NCAM2: variants seen among roughly 807,000 people sequenced by gnomAD.
NCAM2 encodes the protein N-CAM-2.
Under a neutral mutation model 98.1 loss-of-function variants are expected in NCAM2, and 30 were observed. The observed-to-expected ratio is 0.31, with a 90% CI of 0.23 to 0.41. The LOEUF (loss-of-function observed/expected upper bound fraction) is 0.41, where lower values mean the gene tolerates loss of function less well. NCAM2 is among the 10% of genes least tolerant of loss of function. The pLI, the probability that NCAM2 is intolerant of heterozygous loss-of-function variation, is 1.00. For synonymous variants in NCAM2, 368 were observed against 342.4 expected, an observed-to-expected ratio of 1.07 and a Z score of -0.83; for missense variants, 867 against 1,005.8, an observed-to-expected ratio of 0.86 and a Z score of 1.87.
chr21:21,306,503 C>T (rs1441926141), intron 5 of NCAM2, among the ~76,000 whole-genome samples: 11 of 152,008 alleles, frequency 7.2e-5, no homozygotes. Context: ...GCATTTTTTG[C>T]ATTAAGGATT....
chr21:21,530,184 T>C (rs1382095323), intron 16 of NCAM2, among the ~76,000 whole-genome samples: 2 of 111,542 alleles, frequency 1.8e-5, no homozygotes, highest in African/African-American at 3.9e-5. Context: ...TTATATATGA[T>C]TTAATTTAAT....
At chr21:21,140,656 C>T (rs1046487700) in intron 1 of NCAM2, among the ~76,000 whole-genome samples, 2 of 152,092 alleles carry the variant, frequency 1.3e-5, no homozygotes, top group African/African-American at 4.8e-5. Flanking sequence ...TTATTTTATT[C>T]AGAAGTGCTC....
At chr21:21,308,462 T>A (rs925745815) in intron 5 of NCAM2, among the ~76,000 whole-genome samples, 2 of 152,104 alleles carry the variant, frequency 1.3e-5, no homozygotes, top group Non-Finnish European at 2.9e-5. Context: ...TTTGCCTGAG[T>A]TTTTTTAGAT....
At chr21:21,103,494 T>A (rs2066285350) in intron 1 of NCAM2, among the ~76,000 whole-genome samples, 1 of 152,018 alleles carries the variant, frequency 6.6e-6, no homozygotes, top group Non-Finnish European at 1.5e-5. Flanking sequence ...AAATATGTAT[T>A]CTAAAATATA....
At chr21:21,511,732 T>C (rs1051653418) in intron 16 of NCAM2, among the ~76,000 whole-genome samples, 1 of 152,010 alleles carries the variant, frequency 6.6e-6, no homozygotes. Flanking sequence ...ATAATGGTTT[T>C]CATTTCTTCA....
intron 9 of NCAM2, among the ~76,000 whole-genome samples, chr21:21,381,488 A>G (rs2076153170): frequency 1.3e-5 from 2 of 151,796 alleles, no homozygotes; most frequent in African/African-American, 2.4e-5. Flanking sequence ...TATTGGCAAT[A>G]TTTTTGGTTT....
chr21:21,129,468 A>G (rs888088698), intron 1 of NCAM2, among the ~76,000 whole-genome samples: 28 of 152,138 alleles, frequency 1.8e-4, no homozygotes, highest in African/African-American at 6.5e-4. Flanking sequence ...TTCTACTGCC[A>G]GCTGCTATAT....
At chr21:21,035,640 A>G (rs9980928) in intron 1 of NCAM2, among the ~76,000 whole-genome samples, 145,684 of 152,066 alleles carry the variant, frequency 0.96, 70,108 homozygotes, top group East Asian at 1. Flanking sequence ...TTTTCCATTG[A>G]ATTTCTTGAA....
chr21:21,243,980 T>C (rs1014190909), intron 1 of NCAM2, among the ~76,000 whole-genome samples: 6 of 152,318 alleles, frequency 3.9e-5, no homozygotes, highest in African/African-American at 1.4e-4. Flanking sequence ...CCTTTAATTA[T>C]GAGTCAGTAG....
intron 1 of NCAM2, among the ~76,000 whole-genome samples, chr21:21,120,946 G>A (rs1022180663): frequency 4.6e-5 from 7 of 152,002 alleles, no homozygotes; most frequent in African/African-American, 1.4e-4. Flanking sequence ...TTGAACTCCT[G>A]ACCTCATGAT....
chr21:21,035,950 C>T (rs763974138), intron 1 of NCAM2, among the ~76,000 whole-genome samples: 35 of 152,140 alleles, frequency 2.3e-4, no homozygotes, highest in Non-Finnish European at 4.7e-4. Flanking sequence ...TACTAATAAC[C>T]TATCCATACA....
intron 8 of NCAM2, among the ~76,000 whole-genome samples, chr21:21,355,987 A>G (rs2075469263): frequency 6.6e-6 from 1 of 152,158 alleles, no homozygotes; most frequent in Non-Finnish European, 1.5e-5. Flanking sequence ...CATAAATTGT[A>G]GTTTTACCAA....
At chr21:21,310,103 A>G (rs189601916) in intron 5 of NCAM2, among the ~76,000 whole-genome samples, 20 of 152,304 alleles carry the variant, frequency 1.3e-4, no homozygotes, top group Non-Finnish European at 2.4e-4. Flanking sequence ...AAATATTTTA[A>G]TCTCTCATTC....
At chr21:21,371,791 A>G (rs1239201251) in intron 8 of NCAM2, among the ~76,000 whole-genome samples, 1 of 151,782 alleles carries the variant, frequency 6.6e-6, no homozygotes, top group Non-Finnish European at 1.5e-5. Context: ...AATGCCACCA[A>G]GGGTAGAAAC....
At chr21:21,301,621 T>G (rs2073718210) in intron 5 of NCAM2, among the ~76,000 whole-genome samples, 1 of 129,404 alleles carries the variant, frequency 7.7e-6, no homozygotes, top group African/African-American at 3.0e-5. Context: ...CACCTATGAG[T>G]GAGAATATGC....
chr21:21,471,308 C>T (rs1984412927), intron 14 of NCAM2, among the ~76,000 whole-genome samples: 1 of 151,976 alleles, frequency 6.6e-6, no homozygotes, highest in Non-Finnish European at 1.5e-5. Flanking sequence ...ATCCTGTCAA[C>T]ATCATGCTCT....
intron 8 of NCAM2, among the ~76,000 whole-genome samples, chr21:21,344,699 G>A (rs764479401): frequency 2.6e-5 from 4 of 152,166 alleles, no homozygotes; most frequent in African/African-American, 4.8e-5. Context: ...GGGCAAGGGG[G>A]ACCTTGCTTC....
At chr21:21,172,438 T>C (rs547270342) in intron 1 of NCAM2, among the ~76,000 whole-genome samples, 13 of 152,146 alleles carry the variant, frequency 8.5e-5, no homozygotes, top group Non-Finnish European at 1.8e-4. Context: ...ATTCTAGTCA[T>C]GTGCCATCTG....
intron 1 of NCAM2, among the ~76,000 whole-genome samples, chr21:21,162,656 G>A (rs2067820916): frequency 6.6e-6 from 1 of 151,974 alleles, no homozygotes; most frequent in African/African-American, 2.4e-5. Flanking sequence ...CTATATTCCA[G>A]TCTTATGTTT....
Sources: allele counts gnomAD v4.1 joint callset (sites outside exome capture counted in the v4.1 genomes callset), GRCh38; gene constraint gnomAD v4.1.1; transcripts MANE v1.5; gene names NCBI Gene and HGNC (gene_info 2026-07-23, HGNC 2026-07-21).